Variants in WWOX observed in about 807,000 individuals in gnomAD.
WWOX encodes WW domain-containing oxidoreductase.
In WWOX, 69 loss-of-function variants were observed where a neutral mutation model predicts 46.2. That is an observed-to-expected ratio of 1.49 (90% CI 1.23 to 1.82). WWOX has a LOEUF of 1.82. Among genes scored for constraint, WWOX ranks in the 40% most tolerant of loss-of-function variants. The pLI, the probability that WWOX is intolerant of heterozygous loss-of-function variation, is 0.00. For missense variants in WWOX, 919 were observed against 542.6 expected (o/e 1.69, Z -6.89); for synonymous variants, 359 against 202.6 (o/e 1.77, Z -6.56).
intron 8 of WWOX, among the ~76,000 whole-genome samples, chr16:78,932,714 C>G (rs1195133343): frequency 1.3e-5 from 2 of 152,220 alleles, no homozygotes; most frequent in Non-Finnish European, 2.9e-5. Context: ...ATCCACATCA[C>G]AGAGAGCTGG....
chr16:79,146,913 TTTTTAATTGAAA>T (rs1845014889), intron 8 of WWOX, among the ~76,000 whole-genome samples: 1 of 152,218 alleles, frequency 6.6e-6, no homozygotes, highest in Non-Finnish European at 1.5e-5. Flanking sequence ...GTTCACTGAT[TTTTTAATTGAAA>T]TTTTAATTGA....
chr16:78,447,926 C>A (rs571633934), intron 8 of WWOX, among the ~76,000 whole-genome samples: 1 of 152,166 alleles, frequency 6.6e-6, no homozygotes, highest in African/African-American at 2.4e-5. Flanking sequence ...GCCTCAGCCT[C>A]CCAAGTAGCT....
rs369767188 is a variant in WWOX at position 79,158,017 on chromosome 16, A to C, written c.1057-53591A>C. 2.6e-5 allele frequency among the ~76,000 whole-genome samples: 4 copies of C among 152,184 alleles called. No individual in the cohort carries two copies. The East Asian group carries it at 5.8e-4, about 22-fold the overall frequency. On this transcript the variant is annotated intron_variant, in intron 8 of 8. Coordinates refer to ENST00000566780, the MANE Select transcript of WWOX (RefSeq NM_016373.4). Reference sequence around the variant, plus strand: ...CTGGATTGGTTGGGTTGCATTCAAAAGGGGTGCCCCCAAGTGAGTTGTTTG... The same window carrying C: ...CTGGATTGGTTGGGTTGCATTCAAACGGGGTGCCCCCAAGTGAGTTGTTTG...
chr16:78,925,417 C>T (rs1225028288), intron 8 of WWOX, among the ~76,000 whole-genome samples: 4 of 152,148 alleles, frequency 2.6e-5, no homozygotes, highest in Admixed American at 6.5e-5. Flanking sequence ...AATATGTCCA[C>T]GAAGTTCCAT....
rs191450596 is a variant in WWOX at position 78,623,605 on chromosome 16, G to A, written c.1056+190853G>A. ...TGAGGGATGAGAATCACTTGAACCC[G>A]AGAGGCAGGGGTTGCAGTGAGTGCG... is the stretch of plus-strand genomic sequence containing the variant. On this transcript the variant is annotated intron_variant, in intron 8 of 8. Transcript: ENST00000566780. 1.3e-3 allele frequency among the ~76,000 whole-genome samples: 191 copies of A among 152,130 alleles called. No homozygotes were observed. The Middle Eastern group carries it at 0.017, about 14-fold the overall frequency.
intron 8 of WWOX, among the ~76,000 whole-genome samples, chr16:78,465,899 A>G (rs879110595): frequency 6.6e-6 from 1 of 152,248 alleles, no homozygotes; most frequent in African/African-American, 2.4e-5. Context: ...AAGAGGTCAC[A>G]TAGGATATTC....
At chr16:79,083,573 G>A (rs532436648) in intron 8 of WWOX, among the ~76,000 whole-genome samples, 4 of 152,292 alleles carry the variant, frequency 2.6e-5, no homozygotes, top group African/African-American at 9.6e-5. Flanking sequence ...ATCTGCTTAT[G>A]CACGCGTATG....
Position 78,748,025 on chromosome 16 carries a change from G to A in WWOX, c.1056+315273G>A, listed in dbSNP as rs114778593. On this transcript the variant is annotated intron_variant, in intron 8 of 8. Coordinates refer to ENST00000566780, the MANE Select transcript of WWOX (RefSeq NM_016373.4). Reference sequence around the variant, plus strand: ...AAGTCCATCTGCGCCGAAGAGTATTGAACTTGGCCAGAGCACTTGGGATCT... The same window carrying A: ...AAGTCCATCTGCGCCGAAGAGTATTAAACTTGGCCAGAGCACTTGGGATCT... Among the ~76,000 whole-genome samples the A allele has an allele frequency of 8.4e-3, 1,284 of 152,256 alleles. 17 individuals are homozygous for A. Among genetic ancestry groups the A allele is most frequent in the African/African-American group, 0.03 (1,231 of 41,548 alleles).
intron 8 of WWOX, among the ~76,000 whole-genome samples, chr16:79,113,037 A>G (rs919012549): frequency 6.6e-6 from 1 of 152,218 alleles, no homozygotes; most frequent in Admixed American, 6.5e-5. Flanking sequence ...CCAGGTGCTG[A>G]AGAACAATGG....
intron 8 of WWOX, among the ~76,000 whole-genome samples, chr16:78,785,403 T>C (rs1567558184): frequency 6.6e-6 from 1 of 152,224 alleles, no homozygotes; most frequent in Non-Finnish European, 1.5e-5. Flanking sequence ...GTGGTCTCAC[T>C]CTGCAACACA....
intron 8 of WWOX, among the ~76,000 whole-genome samples, chr16:78,589,926 G>T (rs2045311194): frequency 6.6e-6 from 1 of 152,118 alleles, no homozygotes; most frequent in Non-Finnish European, 1.5e-5. Context: ...GCATTTGTTG[G>T]AATTTCCCAA....
chr16:78,925,044 A>G lies in WWOX; in HGVS notation c.1057-286564A>G, dbSNP rs865852815. On this transcript the variant is annotated intron_variant, in intron 8 of 8. Transcript: ENST00000566780. ...ACCCTGTCTCTACAAAAAATAAAAA[A>G]GTTAGCCAGGCATGGTGGTGTGTGC... Among the ~76,000 whole-genome samples, 7 of 152,110 alleles carry G rather than the reference A, an allele frequency of 4.6e-5. No individual in the cohort carries two copies. The South Asian group carries it at 6.2e-4, about 14-fold the overall frequency.
intron 8 of WWOX, among the ~76,000 whole-genome samples, chr16:78,553,455 C>T (rs1225183204): frequency 1.3e-5 from 2 of 151,802 alleles, no homozygotes; most frequent in Non-Finnish European, 2.9e-5. Context: ...TGGGTGTGGC[C>T]TGGAGTTCGA....
chr16:78,803,149 C>T (rs188383957), intron 8 of WWOX, among the ~76,000 whole-genome samples: 7 of 151,462 alleles, frequency 4.6e-5, no homozygotes, highest in African/African-American at 1.7e-4. Context: ...TCCAACAGTT[C>T]TGATTTATTC....
chr16:78,921,345 A>G (rs1311968781), intron 8 of WWOX, among the ~76,000 whole-genome samples: 1 of 152,196 alleles, frequency 6.6e-6, no homozygotes, highest in Non-Finnish European at 1.5e-5. Context: ...TCTAGCTGAC[A>G]TAATTTCAGC....
intron 8 of WWOX, among the ~76,000 whole-genome samples, chr16:79,049,151 C>G (rs2048119877): frequency 6.6e-6 from 1 of 152,208 alleles, no homozygotes; most frequent in African/African-American, 2.4e-5. Context: ...GTGACCCATA[C>G]AGTCACCATC....
chr16:78,459,878 C>T (rs2083909168), intron 8 of WWOX, among the ~76,000 whole-genome samples: 1 of 151,594 alleles, frequency 6.6e-6, no homozygotes, highest in Non-Finnish European at 1.5e-5. Flanking sequence ...AATCATGGCT[C>T]ACTGCAGTCT....
chr16:78,169,939 A>G (rs1463837377), intron 5 of WWOX, among the ~76,000 whole-genome samples: 2 of 152,174 alleles, frequency 1.3e-5, no homozygotes, highest in Non-Finnish European at 1.5e-5. Flanking sequence ...GAGGGGCCCA[A>G]TAAGTGTTGT....
chr16:78,502,809 GA>G (rs2085102831), intron 8 of WWOX, among the ~76,000 whole-genome samples: 1 of 152,170 alleles, frequency 6.6e-6, no homozygotes, highest in Admixed American at 6.5e-5. Flanking sequence ...ATACGTTGGT[GA>G]TTTTTTTCAT....
Sources: gnomAD v4.1 joint callset for allele counts (sites outside exome capture counted in the v4.1 genomes callset) on GRCh38, gnomAD v4.1.1 for gene constraint, MANE v1.5 for transcripts, NCBI Gene and HGNC (gene_info 2026-07-23, HGNC 2026-07-21) for gene names.